The following LINGO2 variants were observed in gnomAD, a reference collection of about 807,000 sequenced individuals.
LINGO2 encodes the protein leucine-rich repeat and immunoglobulin-like domain-containing nogo receptor-interacting protein 2.
In LINGO2, 14 loss-of-function variants were observed where a neutral mutation model predicts 30.6. The observed-to-expected ratio is 0.46, with a 90% CI of 0.30 to 0.72. The LOEUF is 0.72. LINGO2 is among the 30% of genes least tolerant of loss of function. The probability of loss-of-function intolerance (pLI) is 0.07; values close to 1 mark genes in which losing one functional copy is unlikely to be tolerated. For synonymous variants in LINGO2, 317 were observed against 288.5 expected (o/e 1.10, Z -1.00); for missense variants, 729 against 751.7 (o/e 0.97, Z 0.35).
the LINGO2 span, among the ~76,000 whole-genome samples, chr9:28,764,026 GAA>G: frequency 6.6e-6 from 1 of 151,406 alleles, no homozygotes; most frequent in Non-Finnish European, 1.5e-5. Flanking sequence ...AATTAGTAAT[GAA>G]AAACCTCCCA....
At chr9:28,586,454 T>C (rs1824545787) in intron 1 of LINGO2, among the ~76,000 whole-genome samples, 2 of 152,062 alleles carry the variant, frequency 1.3e-5, no homozygotes, top group African/African-American at 4.8e-5. Context: ...GCCTCCCCCA[T>C]TTTCATGCAA....
the LINGO2 span, among the ~76,000 whole-genome samples, chr9:28,914,319 C>T: frequency 1.3e-5 from 2 of 152,014 alleles, no homozygotes; most frequent in East Asian, 1.9e-4. Flanking sequence ...GGCCAAAACG[C>T]TATATATACT....
At chr9:28,317,336 CTGA>C (rs1157058112) in intron 3 of LINGO2, among the ~76,000 whole-genome samples, 2 of 152,082 alleles carry the variant, frequency 1.3e-5, no homozygotes, top group Admixed American at 6.5e-5. Context: ...AGAAAAGTTT[CTGA>C]TGAAGATTTC....
chr9:29,078,590 T>A, the LINGO2 span, among the ~76,000 whole-genome samples: 1 of 151,940 alleles, frequency 6.6e-6, no homozygotes, highest in Non-Finnish European at 1.5e-5. Flanking sequence ...CAGCATTTCT[T>A]AACAAAATCC....
At chr9:28,725,395 T>G in the LINGO2 span, among the ~76,000 whole-genome samples, 1 of 151,706 alleles carries the variant, frequency 6.6e-6, no homozygotes, top group Non-Finnish European at 1.5e-5. Context: ...GCAAAATGAT[T>G]AAACACAGAT....
chr9:28,628,960 TA>T (rs1224285550), intron 1 of LINGO2, among the ~76,000 whole-genome samples: 1 of 152,090 alleles, frequency 6.6e-6, no homozygotes, highest in Non-Finnish European at 1.5e-5. Flanking sequence ...TTACCATTCG[TA>T]AAAGCATAGG....
At chr9:28,014,795 T>C (rs929540181) in intron 4 of LINGO2, among the ~76,000 whole-genome samples, 6 of 152,164 alleles carry the variant, frequency 3.9e-5, no homozygotes, top group Admixed American at 3.3e-4. Flanking sequence ...TATAAGAATC[T>C]AGGTATATGT....
chr9:29,060,641 T>C, the LINGO2 span, among the ~76,000 whole-genome samples: 10 of 151,828 alleles, frequency 6.6e-5, 1 homozygote, highest in Admixed American at 6.6e-4. Context: ...ACCAAACATA[T>C]CTGAAATAAA....
At chr9:28,296,399 C>A (rs1823923061) in intron 3 of LINGO2, among the ~76,000 whole-genome samples, 1 of 152,116 alleles carries the variant, frequency 6.6e-6, no homozygotes, top group South Asian at 2.1e-4. Flanking sequence ...ACGTAGTGCA[C>A]AGAAAGGGCT....
chr9:28,093,169 C>T (rs888347512), intron 4 of LINGO2, among the ~76,000 whole-genome samples: 2 of 152,024 alleles, frequency 1.3e-5, no homozygotes, highest in Admixed American at 6.6e-5. Flanking sequence ...AACTCTTAGA[C>T]TAGTTCTAAG....
At chr9:29,196,069 G>T in the LINGO2 span, among the ~76,000 whole-genome samples, 4 of 152,056 alleles carry the variant, frequency 2.6e-5, no homozygotes, top group Non-Finnish European at 5.9e-5. Flanking sequence ...ATACTTTACA[G>T]GTTTTGGACA....
At chr9:28,762,598 A>G in the LINGO2 span, among the ~76,000 whole-genome samples, 2 of 152,032 alleles carry the variant, frequency 1.3e-5, no homozygotes, top group African/African-American at 4.8e-5. Flanking sequence ...AGGACAATGA[A>G]GTTTTACAAC....
chr9:28,529,982 T>G (rs1007023609), intron 1 of LINGO2, among the ~76,000 whole-genome samples: 4 of 152,072 alleles, frequency 2.6e-5, no homozygotes, highest in Non-Finnish European at 5.9e-5. Context: ...GGATAAAACT[T>G]GACACAGTAT....
chr9:28,094,517 G>C (rs1376273545), intron 4 of LINGO2, among the ~76,000 whole-genome samples: 2 of 150,950 alleles, frequency 1.3e-5, no homozygotes, highest in Non-Finnish European at 2.9e-5. Context: ...GGGGATATGT[G>C]TGTGTGTGTG....
intron 5 of LINGO2, among the ~76,000 whole-genome samples, chr9:28,006,747 C>G (rs939566411): frequency 2.0e-5 from 3 of 152,112 alleles, no homozygotes; most frequent in Non-Finnish European, 4.4e-5. Flanking sequence ...GGCCTCCTCT[C>G]AGAGGAGTTA....
upstream of LINGO2, among the ~76,000 whole-genome samples, chr9:28,674,709 C>T (rs1027381873): frequency 1.3e-5 from 2 of 152,078 alleles, no homozygotes; most frequent in South Asian, 4.1e-4. Context: ...ATTATTGATA[C>T]TTTATATACA....
the LINGO2 span, among the ~76,000 whole-genome samples, chr9:28,937,829 G>A: frequency 4.6e-5 from 7 of 151,906 alleles, no homozygotes; most frequent in Admixed American, 1.3e-4. Context: ...GGGGTACAAG[G>A]GCAAGTTTGT....
the LINGO2 span, among the ~76,000 whole-genome samples, chr9:28,858,369 A>G: frequency 6.6e-6 from 1 of 152,020 alleles, no homozygotes; most frequent in Non-Finnish European, 1.5e-5. Flanking sequence ...ACCCTGGAAG[A>G]TTTTATATGT....
At chr9:28,253,525 A>T (rs1822278579) in intron 4 of LINGO2, among the ~76,000 whole-genome samples, 2 of 152,156 alleles carry the variant, frequency 1.3e-5, no homozygotes, top group South Asian at 4.1e-4. Context: ...AGTAAGCTAA[A>T]TGATTCCTCT....
Sources: allele counts gnomAD v4.1 joint callset (sites outside exome capture counted in the v4.1 genomes callset), GRCh38; gene constraint gnomAD v4.1.1; transcripts MANE v1.5; gene names NCBI Gene and HGNC (gene_info 2026-07-23, HGNC 2026-07-21).